DIS3L: variants seen among roughly 807,000 people sequenced by gnomAD.
The protein encoded by DIS3L is DIS3 like exosome 3'-5' exoribonuclease, also known as DIS3-like exonuclease 1.
A neutral mutation model predicts 120.3 loss-of-function variants in DIS3L; 100 were observed. The observed-to-expected ratio is 0.83, with a 90% CI of 0.71 to 0.98. The LOEUF (loss-of-function observed/expected upper bound fraction) is 0.98, where lower values mean the gene tolerates loss of function less well. DIS3L is among the 50% of genes least tolerant of loss of function. DIS3L has a pLI of 0.00. For synonymous variants in DIS3L, 426 were observed against 470.6 expected, an observed-to-expected ratio of 0.91 and a Z score of 1.23; for missense variants, 1,196 against 1,314.2, an observed-to-expected ratio of 0.91 and a Z score of 1.39.
At chr15:66,317,622 A>G (rs573668387) in intron 7 of DIS3L, among the ~76,000 whole-genome samples, 4 of 152,272 alleles carry the variant, frequency 2.6e-5, no homozygotes, top group Admixed American at 6.5e-5. Flanking sequence ...AGAAAATGGG[A>G]CAAGTGGATT....
intron 3 of DIS3L, among the ~76,000 whole-genome samples, chr15:66,307,458 C>T (rs761133538): frequency 6.6e-6 from 1 of 151,938 alleles, no homozygotes; most frequent in African/African-American, 2.4e-5. Context: ...GCTGCCACCA[C>T]ACTTAGCTAA....
intron 1 of DIS3L, chr15:66,294,490 G>A: frequency 1.0e-6 from 1 of 986,640 alleles, no homozygotes; most frequent in Non-Finnish European, 1.2e-6. Flanking sequence ...GCTCTCAGAT[G>A]CAGGTCTGGT....
chr15:66,313,347 A>C (rs547769722), intron 5 of DIS3L, among the ~76,000 whole-genome samples: 1 of 152,214 alleles, frequency 6.6e-6, no homozygotes, highest in South Asian at 2.1e-4. Flanking sequence ...CATCAGTTAC[A>C]TAAGATAGAG....
rs1490290107 is a variant in DIS3L, at chr15:66,294,442, GA to G, written c.140-545del. ...ATGTGTGGAATCCTCCAAACATTGT[GA>G]TTAAGGTGAACATTTCAGTTAGAGC... On this transcript the variant is annotated intron_variant, in intron 1 of 16. Coordinates refer to ENST00000319212, the MANE Select transcript of DIS3L (RefSeq NM_001143688.3). 5.1e-6 allele frequency: 5 copies of G among 986,106 alleles called. No individual in the cohort carries two copies. In the East Asian group the frequency reaches 5.7e-4, roughly 112 times the overall value. 61.1% of individuals were successfully genotyped at this position (986,106 alleles called of 1,614,324 possible).
At chr15:66,303,327 G>C (rs569203651) in intron 2 of DIS3L, among the ~76,000 whole-genome samples, 1 of 152,240 alleles carries the variant, frequency 6.6e-6, no homozygotes, top group South Asian at 2.1e-4. Context: ...GGGATTACTG[G>C]ATCGTATGGT....
At chr15:66,314,557 A>G (rs2092798109) in intron 6 of DIS3L, among the ~76,000 whole-genome samples, 1 of 152,216 alleles carries the variant, frequency 6.6e-6, no homozygotes, top group Admixed American at 6.5e-5. Context: ...GGTGAAAAAG[A>G]AACCCTGCTA....
Position 66,322,765 on chromosome 15 carries a change from A to G in DIS3L, c.1405A>G (p.Arg469Gly). The G allele has an allele frequency of 6.2e-7, 1 of 1,614,206 alleles. No individual in the cohort carries two copies. The highest frequency in any genetic ancestry group is 8.5e-7 in the Non-Finnish European group (1 of 1,180,038). Residue 469 changes from arginine to glycine, a missense_variant, in exon 10 of 17, where the codon AGG becomes GGG. Physicochemically the swap from Arg to Gly is moderately radical, Grantham distance 125. Transcript: ENST00000319212. ...AGAGGAACAAAAACGTAAAGACTTG[A>G]GGAAAAGCCATCTCGTATTCAGCAT... ...PEEEQKRKDL[R>G]KSHLVFSIDP...
At chr15:66,313,915 G>A in intron 5 of DIS3L, 124 bp from the exon 6 acceptor site, 1 of 634,314 alleles carries the variant, frequency 1.6e-6, no homozygotes, top group Non-Finnish European at 2.7e-6. Flanking sequence ...TTCCTAAAGG[G>A]ATCACAAACC....
chr15:66,294,190 C>T, intron 1 of DIS3L: 2 of 985,646 alleles, frequency 2.0e-6, no homozygotes, highest in Non-Finnish European at 1.2e-6. Context: ...CTGACCTGCC[C>T]GCACTGTTGC....
intron 2 of DIS3L, among the ~76,000 whole-genome samples, chr15:66,300,830 A>G (rs9806376): frequency 0.032 from 4,885 of 152,328 alleles, 97 homozygotes; most frequent in Non-Finnish European, 0.045. Flanking sequence ...CTGACGCCAA[A>G]TGGCAGTGCA....
rs1328595950 is a variant in DIS3L, at chr15:66,320,609, A to G, written c.1203A>G (p.Ser401=). 6.2e-7 allele frequency: 1 copy of G among 1,613,856 alleles called. No individual in the cohort carries two copies. Among genetic ancestry groups the G allele is most frequent in the East Asian group, 2.2e-5 (1 of 44,874 alleles). The change falls in exon 9 of 17, where the codon TCA becomes TCG. Residue 401 remains serine, a synonymous_variant. Transcript: ENST00000319212. ...TCGTGCGCATCGATTCCTGGGAGTC[A>G]ACATCTGTGTATCCAAATGGACATT... ...RVVVRIDSWE[S]TSVYPNGHFV...
intron 3 of DIS3L, 100 bp downstream of exon 3, chr15:66,307,052 C>T: frequency 6.9e-7 from 1 of 1,456,132 alleles, no homozygotes; most frequent in East Asian, 2.3e-5. Context: ...CTAGAACAAA[C>T]CAACAATTAT....
At chr15:66,326,738 C>G (rs1026113026) in intron 12 of DIS3L, among the ~76,000 whole-genome samples, 1 of 151,998 alleles carries the variant, frequency 6.6e-6, no homozygotes, top group African/African-American at 2.4e-5. Flanking sequence ...CGCCACCATG[C>G]CTGGCTAATT....
chr15:66,318,559 C>G lies in DIS3L; in HGVS notation c.1105C>G (p.Pro369Ala). 1 of 1,614,062 alleles carries G rather than the reference C, an allele frequency of 6.2e-7. No homozygotes were observed. The highest frequency in any genetic ancestry group is 8.5e-7 in the Non-Finnish European group (1 of 1,180,018). The change falls in exon 8 of 17, where the codon CCT (proline) becomes GCT (alanine). Residue 369 changes from proline to alanine, a missense_variant. Physicochemically the swap from Pro to Ala is conservative, Grantham distance 27. Coordinates refer to ENST00000319212, the MANE Select transcript of DIS3L (RefSeq NM_001143688.3). Reference protein sequence around the residue: ...GKNAQKILVTPWDYRIPKIRI... With the variant: ...GKNAQKILVTAWDYRIPKIRI... ...AAATGCTCAGAAAATCCTGGTTACA[C>G]CTTGGGATTACAGAATTCCCAAAAT...
Position 66,320,681 on chromosome 15 carries a change from A to C in DIS3L, c.1275A>C (p.Ala425=). 6.2e-7 allele frequency: 1 copy of C among 1,614,116 alleles called. No individual in the cohort carries two copies. The highest frequency in any genetic ancestry group is 8.5e-7 in the Non-Finnish European group (1 of 1,179,990). Residue 425 remains alanine (A), a synonymous_variant, in exon 9 of 17, where the codon GCA becomes GCC. Transcript: ENST00000319212. ...GRIGDLEGEI[A]TILVENSISV... The stretch of plus-strand genomic sequence containing the variant: ...TCGGAGATCTGGAAGGGGAAATTGC[A>C]ACCATCCTGGTGGAAAACAGTATTT...
chr15:66,333,413 C>A lies in DIS3L; in HGVS notation c.*101C>A. 7.8e-7 allele frequency: 1 copy of A among 1,279,950 alleles called. No individual in the cohort carries two copies. 79.3% of individuals were successfully genotyped at this position (1,279,950 alleles called of 1,614,324 possible). The stretch of plus-strand genomic sequence containing the variant: ...CACTCAGTGCTCTAGTCGATCAGGA[C>A]TGGGTAGCTATTTCGCATATATGTA... On this transcript the variant is annotated 3_prime_UTR_variant, in exon 17 of 17. Coordinates refer to ENST00000319212, the MANE Select transcript of DIS3L (RefSeq NM_001143688.3).
intron 6 of DIS3L, 123 bp downstream of exon 6, chr15:66,314,240 G>A (rs1239079815): frequency 4.6e-6 from 3 of 653,636 alleles, no homozygotes; most frequent in African/African-American, 1.9e-5. Flanking sequence ...ACATACATTG[G>A]GTATGTGAGA....
At chr15:66,299,457 A>G (rs1047097006) in intron 2 of DIS3L, among the ~76,000 whole-genome samples, 16 of 151,796 alleles carry the variant, frequency 1.1e-4, no homozygotes, top group African/African-American at 1.7e-4. Context: ...GAGGTGGGAG[A>G]ATTGCTTGAA....
At chr15:66,312,209 T>TAAAA (rs535749569) in intron 5 of DIS3L, among the ~76,000 whole-genome samples, 1 of 121,344 alleles carries the variant, frequency 8.2e-6, no homozygotes, top group African/African-American at 3.0e-5. Flanking sequence ...CTGTCTCAAT[T>TAAAA]AAAAAAAAAA....
Sources: allele counts gnomAD v4.1 joint callset (sites outside exome capture counted in the v4.1 genomes callset), GRCh38; gene constraint gnomAD v4.1.1; transcripts MANE v1.5; gene names NCBI Gene and HGNC (gene_info 2026-07-23, HGNC 2026-07-21).